The following PTPRD variants were observed in gnomAD, a reference collection of about 807,000 sequenced individuals.
PTPRD encodes receptor-type tyrosine-protein phosphatase delta.
A neutral mutation model predicts 214.5 loss-of-function variants in PTPRD; 34 were observed. The ratio of observed to expected loss-of-function variants is 0.16; its 90% CI spans 0.12 to 0.21. PTPRD has a LOEUF of 0.21. Ranked by LOEUF, PTPRD falls within the 10% of genes least tolerant of loss-of-function variation. PTPRD has a pLI of 1.00. For missense variants in PTPRD, 2,545 were observed against 2,398.7 expected (o/e 1.06, Z -1.27); for synonymous variants, 1,128 against 845.7 (o/e 1.33, Z -5.79).
intron 10 of PTPRD, among the ~76,000 whole-genome samples, chr9:9,096,913 C>T (rs2099784363): frequency 6.6e-6 from 1 of 152,156 alleles, no homozygotes; most frequent in South Asian, 2.1e-4. Flanking sequence ...TCACCAAGGA[C>T]CTCCCAAATG....
chr9:9,790,708 TTGTC>T (rs570688210), intron 5 of PTPRD, among the ~76,000 whole-genome samples: 33 of 152,322 alleles, frequency 2.2e-4, no homozygotes, highest in African/African-American at 7.0e-4. Context: ...ACACAAATGT[TTGTC>T]TGTCAAATTC....
chr9:9,938,230 C>T (rs1377367030), intron 5 of PTPRD, among the ~76,000 whole-genome samples: 1 of 152,164 alleles, frequency 6.6e-6, no homozygotes, highest in South Asian at 2.1e-4. Flanking sequence ...ATTTACTCTA[C>T]TTCTAGCTCA....
intron 3 of PTPRD, among the ~76,000 whole-genome samples, chr9:10,183,262 C>T (rs1407886508): frequency 6.6e-6 from 1 of 151,970 alleles, no homozygotes; most frequent in Non-Finnish European, 1.5e-5. Flanking sequence ...CTCAGAAAAA[C>T]AGAGGACTAT....
intron 2 of PTPRD, among the ~76,000 whole-genome samples, chr9:10,487,804 T>C (rs2099142306): frequency 6.6e-6 from 1 of 151,526 alleles, no homozygotes; most frequent in Admixed American, 6.6e-5. Flanking sequence ...CTGCATGTTC[T>C]GCACATGCAT....
At chr9:10,202,820 C>G (rs141732112) in intron 3 of PTPRD, among the ~76,000 whole-genome samples, 2 of 151,594 alleles carry the variant, frequency 1.3e-5, no homozygotes, top group South Asian at 2.1e-4. Context: ...CCATCCTCCT[C>G]GCTGCTCTCT....
At chr9:10,571,252 A>G (rs889134942) in intron 2 of PTPRD, among the ~76,000 whole-genome samples, 5 of 152,140 alleles carry the variant, frequency 3.3e-5, no homozygotes, top group African/African-American at 1.2e-4. Context: ...ATACGAAGAA[A>G]ATTAATTTAG....
intron 5 of PTPRD, among the ~76,000 whole-genome samples, chr9:9,790,062 T>C (rs543519700): frequency 2.3e-3 from 345 of 152,246 alleles, no homozygotes; most frequent in African/African-American, 7.9e-3. Flanking sequence ...AGAACCTCTT[T>C]CTAATCTGGT....
intron 14 of PTPRD, among the ~76,000 whole-genome samples, chr9:8,579,929 G>A (rs2154250059): frequency 6.6e-6 from 1 of 152,328 alleles, no homozygotes; most frequent in South Asian, 2.1e-4. Context: ...ACAGGCAAAA[G>A]TGAATCATCA....
chr9:10,305,927 T>C (rs894474616), intron 3 of PTPRD, among the ~76,000 whole-genome samples: 1 of 152,110 alleles, frequency 6.6e-6, no homozygotes, highest in Non-Finnish European at 1.5e-5. Flanking sequence ...ACTGGGTATA[T>C]ACCCAAAGGA....
At chr9:8,999,609 A>G (rs1317721384) in intron 11 of PTPRD, among the ~76,000 whole-genome samples, 1 of 151,952 alleles carries the variant, frequency 6.6e-6, no homozygotes. Context: ...TCTGGAACTG[A>G]ACCTTTAATA....
chr9:8,372,627 TCC>T (rs1447455075), intron 39 of PTPRD, among the ~76,000 whole-genome samples: 1 of 152,002 alleles, frequency 6.6e-6, no homozygotes, highest in Non-Finnish European at 1.5e-5. Flanking sequence ...AGTTGGCCTT[TCC>T]TTGCTTGCCT....
intron 39 of PTPRD, among the ~76,000 whole-genome samples, chr9:8,373,736 G>A (rs1000012602): frequency 2.6e-5 from 4 of 151,044 alleles, no homozygotes; most frequent in Admixed American, 6.6e-5. Flanking sequence ...TTTTGTATCT[G>A]TCACGGTGCC....
chr9:10,051,717 T>A (rs1361227231), intron 3 of PTPRD, among the ~76,000 whole-genome samples: 3 of 152,096 alleles, frequency 2.0e-5, no homozygotes, highest in Non-Finnish European at 2.9e-5. Flanking sequence ...GAATGGTGTA[T>A]TGCTTCTTCT....
intron 20 of PTPRD, among the ~76,000 whole-genome samples, chr9:8,520,516 T>A (rs1159124125): frequency 1.3e-5 from 2 of 152,206 alleles, no homozygotes; most frequent in Non-Finnish European, 2.9e-5. Context: ...TGTGTTCATT[T>A]TGCAATAGTT....
chr9:8,764,991 T>C (rs2094622140), intron 11 of PTPRD, among the ~76,000 whole-genome samples: 2 of 152,088 alleles, frequency 1.3e-5, no homozygotes, highest in Non-Finnish European at 2.9e-5. Flanking sequence ...CCAGACAACC[T>C]TTAAAACACT....
At chr9:8,388,988 T>TC (rs200193571) in intron 37 of PTPRD, among the ~76,000 whole-genome samples, 2 of 151,398 alleles carry the variant, frequency 1.3e-5, no homozygotes, top group African/African-American at 4.8e-5. Flanking sequence ...ATTCCTTTTT[T>TC]TTTTTTTTTT....
chr9:8,732,573 G>A (rs934422516), intron 12 of PTPRD, among the ~76,000 whole-genome samples: 3 of 152,162 alleles, frequency 2.0e-5, no homozygotes, highest in African/African-American at 4.8e-5. Context: ...CATTAGACTC[G>A]AAATTCCTTG....
At position 9,894,155 on chromosome 9, in the gene PTPRD, C is replaced by T. The variant is rs531602817; in HGVS notation, c.-368+44352G>A. ...ATATGTCACATGAACACCTCTATAT[C>T]TCCAAGATAATATCTATCATTTCTC... On this transcript the variant is annotated intron_variant, in intron 5 of 45. Coordinates refer to ENST00000381196, the MANE Select transcript of PTPRD (RefSeq NM_002839.4). 3.3e-5 allele frequency among the ~76,000 whole-genome samples: 5 copies of T among 152,134 alleles called. No individual in the cohort carries two copies. In the South Asian group the frequency reaches 1.0e-3, roughly 32 times the overall value.
chr9:10,411,188 T>C (rs933809201), intron 2 of PTPRD, among the ~76,000 whole-genome samples: 2 of 151,772 alleles, frequency 1.3e-5, no homozygotes, highest in African/African-American at 4.8e-5. Context: ...TTCTAAGGCT[T>C]TTAAACTGGT....
Sources: gnomAD v4.1 joint callset for allele counts (sites outside exome capture counted in the v4.1 genomes callset) on GRCh38, gnomAD v4.1.1 for gene constraint, MANE v1.5 for transcripts, NCBI Gene and HGNC (gene_info 2026-07-23, HGNC 2026-07-21) for gene names.